The following IL17RA variants were observed in gnomAD, a reference collection of about 807,000 sequenced individuals.
IL17RA encodes interleukin-17 receptor A.
IL17RA carries 34 observed loss-of-function variants against 50.4 expected under a neutral mutation model. That is an observed-to-expected ratio of 0.67 (90% confidence interval 0.51 to 0.90). The LOEUF is 0.90. Ranked by LOEUF, IL17RA falls within the 40% of genes least tolerant of loss-of-function variation. IL17RA has a pLI of 0.00. For synonymous variants in IL17RA, 585 were observed against 510.4 expected, an observed-to-expected ratio of 1.15 and a Z score of -1.97; for missense variants, 1,276 against 1,169.8, an observed-to-expected ratio of 1.09 and a Z score of -1.32.
chr22:17,107,600 CGCTGCTCAGTCTCGGG>C (rs2061419629), intron 11 of IL17RA, 111 bp from the exon 12 acceptor site: 2 of 800,880 alleles, frequency 2.5e-6, no homozygotes, highest in African/African-American at 3.4e-5. Flanking sequence ...AGCACGGCCT[CGCTGCTCAGTCTCGGG>C]GCTGCCCCCT....
At chr22:17,101,975 T>C in intron 5 of IL17RA, 21 bp from the exon 6 acceptor site, 2 of 1,614,144 alleles carry the variant, frequency 1.2e-6, no homozygotes, top group East Asian at 2.2e-5. Flanking sequence ...TTAATGAGTT[T>C]CCTTTTTTCT....
At chr22:17,094,408 T>A (rs1049558661) in intron 1 of IL17RA, among the ~76,000 whole-genome samples, 7 of 151,842 alleles carry the variant, frequency 4.6e-5, no homozygotes, top group East Asian at 3.9e-4. Flanking sequence ...CAAAAAAAAA[T>A]GTTCTTTCCT....
chr22:17,100,558 C>A, intron 5 of IL17RA, 77 bp downstream of exon 5: 1 of 1,558,244 alleles, frequency 6.4e-7, no homozygotes, highest in Non-Finnish European at 8.8e-7. Flanking sequence ...CAGATGCCAG[C>A]CCCCCTGCTC....
intron 3 of IL17RA, among the ~76,000 whole-genome samples, 196 bp from the exon 4 acceptor site, chr22:17,098,579 A>G (rs1161376361): frequency 6.6e-6 from 1 of 152,186 alleles, no homozygotes; most frequent in Non-Finnish European, 1.5e-5. Context: ...TTCCTTGCCC[A>G]GCTGGGAAAT....
At chr22:17,086,279 A>T (rs2061327552) in intron 1 of IL17RA, among the ~76,000 whole-genome samples, 1 of 151,888 alleles carries the variant, frequency 6.6e-6, no homozygotes, top group African/African-American at 2.4e-5. Flanking sequence ...TCAGTATCTG[A>T]GTCAGAGGAT....
In IL17RA at chr22:17,109,370, C is replaced by G. The variant is rs776060532; in HGVS notation, c.2151C>G (p.Leu717=). Residue 717 remains leucine (L), a synonymous_variant, in exon 13 of 13, where the codon CTC becomes CTG. Coordinates refer to ENST00000319363, the MANE Select transcript of IL17RA (RefSeq NM_014339.7). The part of the protein sequence containing the change: ...GSPGAGRNSV[L]FLPVDPEDSP... ...CGGGCGCTGGGCGAAATAGCGTCCT[C>G]TTCCTCCCCGTGGACCCCGAGGACT... 1 of 1,610,374 alleles carries G rather than the reference C, an allele frequency of 6.2e-7. No individual in the cohort carries two copies. Among genetic ancestry groups the G allele is most frequent in the Non-Finnish European group, 8.5e-7 (1 of 1,179,436 alleles).
rs748756243 is a variant in IL17RA at position 17,097,872 on chromosome 22, T to C, written c.239T>C (p.Leu80Pro). The change falls in exon 3 of 13, where the codon CTG (leucine) becomes CCG (proline). Residue 80 changes from leucine (L) to proline (P), a missense_variant. Leu to Pro is a moderately conservative substitution (Grantham distance 98). Coordinates refer to ENST00000319363, the MANE Select transcript of IL17RA (RefSeq NM_014339.7). ...PSSPKDLQIQ[L>P]HFAHTQQGDL... is the part of the protein sequence containing the mutation. Reference sequence around the variant, plus strand: ...TCCCCAAAGGACCTGCAGATCCAGCTGCACTTTGCCCACACCCAACAAGGA... The same window carrying C: ...TCCCCAAAGGACCTGCAGATCCAGCCGCACTTTGCCCACACCCAACAAGGA... 6.2e-7 allele frequency: 1 copy of C among 1,614,242 alleles called. No homozygotes were observed. The highest frequency in any genetic ancestry group is 8.5e-7 in the Non-Finnish European group (1 of 1,180,028).
intron 1 of IL17RA, among the ~76,000 whole-genome samples, chr22:17,094,519 A>G (rs1365928950): frequency 1.3e-5 from 2 of 150,338 alleles, no homozygotes; most frequent in Admixed American, 1.3e-4. Flanking sequence ...ACCTATATGT[A>G]TATTTTTCAG....
At chr22:17,089,875 C>CAA (rs57976813) in intron 1 of IL17RA, among the ~76,000 whole-genome samples, 1 of 138,926 alleles carries the variant, frequency 7.2e-6, no homozygotes, top group African/African-American at 2.6e-5. Context: ...AACAAACAAA[C>CAA]AAAAAAAAAA....
At position 17,113,962 on chromosome 22, in the gene IL17RA, G is replaced by C. The variant is rs2061456356; in HGVS notation, c.*4142G>C. The C allele has an allele frequency of 6.6e-6, 1 of 152,174 alleles. No homozygotes were observed. The highest frequency in any genetic ancestry group is 6.5e-5 in the Admixed American group (1 of 15,282). 9.4% of individuals were successfully genotyped at this position (152,174 alleles called of 1,614,324 possible). On this transcript the variant is annotated 3_prime_UTR_variant, in exon 13 of 13. Coordinates refer to ENST00000319363, the MANE Select transcript of IL17RA (RefSeq NM_014339.7). The stretch of plus-strand genomic sequence containing the variant: ...AGTTTGTGCCCCCTGAGGTACCACT[G>C]ATCCTCTTTCCCTGCTATTAGGTAT...
chr22:17,104,681 C>T (rs368399060), intron 8 of IL17RA, 45 bp from the exon 9 acceptor site: 15 of 1,558,798 alleles, frequency 9.6e-6, no homozygotes, highest in South Asian at 3.4e-5. Flanking sequence ...AAGGCATGGG[C>T]GCTCTACAGT....
chr22:17,091,303 T>C (rs558050886), intron 1 of IL17RA, among the ~76,000 whole-genome samples: 1 of 152,354 alleles, frequency 6.6e-6, no homozygotes, highest in African/African-American at 2.4e-5. Flanking sequence ...GTGAAAATTA[T>C]GTGTTAAAGA....
chr22:17,097,599 T>A, intron 2 of IL17RA, 198 bp from the exon 3 acceptor site: 1 of 616,570 alleles, frequency 1.6e-6, no homozygotes, highest in Non-Finnish European at 2.9e-6. Flanking sequence ...CCCTTTAGAC[T>A]TGAGAGGTTT....
chr22:17,093,972 T>G (rs1445058269), intron 1 of IL17RA: 1 of 151,374 alleles, frequency 6.6e-6, no homozygotes, highest in East Asian at 1.9e-4. Context: ...TTATTTTATC[T>G]TACTTTATTT....
intron 1 of IL17RA, among the ~76,000 whole-genome samples, chr22:17,094,789 T>C (rs2061363326): frequency 1.4e-5 from 2 of 146,998 alleles, no homozygotes; most frequent in African/African-American, 2.5e-5. Context: ...ATTTGAAACT[T>C]ATTTTCCTCT....
At chr22:17,093,983 T>G (rs1392399872) in intron 1 of IL17RA, 2 of 151,480 alleles carry the variant, frequency 1.3e-5, no homozygotes, top group Non-Finnish European at 2.9e-5. Flanking sequence ...TACTTTATTT[T>G]ATTTTATTTT....
At chr22:17,088,437 G>A (rs1418969978) in intron 1 of IL17RA, among the ~76,000 whole-genome samples, 3 of 151,670 alleles carry the variant, frequency 2.0e-5, no homozygotes, top group African/African-American at 7.3e-5. Context: ...TTGTGCCTCA[G>A]CCTCCCGAGT....
chr22:17,092,389 C>T (rs999467806), intron 1 of IL17RA, among the ~76,000 whole-genome samples: 5 of 152,186 alleles, frequency 3.3e-5, no homozygotes, highest in African/African-American at 1.2e-4. Context: ...ATGAGAATCT[C>T]ACGTTGAACC....
intron 11 of IL17RA, 50 bp downstream of exon 11, chr22:17,106,004 C>A (rs746450310): frequency 4.4e-6 from 6 of 1,369,174 alleles, no homozygotes; most frequent in Non-Finnish European, 6.2e-6. Flanking sequence ...AATACCAGCA[C>A]CACCACTCAC....
Sources: gnomAD v4.1 joint callset for allele counts (sites outside exome capture counted in the v4.1 genomes callset) on GRCh38, gnomAD v4.1.1 for gene constraint, MANE v1.5 for transcripts, NCBI Gene and HGNC (gene_info 2026-07-23, HGNC 2026-07-21) for gene names.